The following RERE variants were observed in gnomAD, a reference collection of about 807,000 sequenced individuals.
The protein encoded by RERE is arginine-glutamic acid dipeptide repeats protein.
Under a neutral mutation model 146.1 loss-of-function variants are expected in RERE, and 40 were observed. That is an observed-to-expected ratio of 0.27 (90% CI 0.21 to 0.36). RERE has a LOEUF of 0.36. Among genes scored for constraint, RERE ranks in the 10% least tolerant of loss-of-function variants. RERE has a pLI of 1.00. For missense variants in RERE, 1,933 were observed against 2,138.7 expected (o/e 0.90, Z 1.90); for synonymous variants, 1,003 against 866.0 (o/e 1.16, Z -2.78).
At chr1:8,728,950 G>A (rs1028432615) in intron 1 of RERE, among the ~76,000 whole-genome samples, 4 of 152,196 alleles carry the variant, frequency 2.6e-5, no homozygotes, top group South Asian at 2.1e-4. Flanking sequence ...GTGATCATCC[G>A]AGGTCGGGAG....
At chr1:8,516,066 A>G (rs760202884) in intron 7 of RERE, among the ~76,000 whole-genome samples, 1 of 151,578 alleles carries the variant, frequency 6.6e-6, no homozygotes. Context: ...ATACAAAATT[A>G]GCCAAGCGTG....
At chr1:8,808,744 G>A (rs1641736173) in intron 1 of RERE, among the ~76,000 whole-genome samples, 1 of 152,074 alleles carries the variant, frequency 6.6e-6, no homozygotes, top group Non-Finnish European at 1.5e-5. Context: ...GAAACTTAGG[G>A]CCAAAAAGAT....
intron 4 of RERE, among the ~76,000 whole-genome samples, chr1:8,581,454 CT>C (rs1557696268): frequency 6.6e-6 from 1 of 152,280 alleles, no homozygotes; most frequent in East Asian, 1.9e-4. Context: ...ATAACAATGT[CT>C]TTTGATGAAT....
chr1:8,592,291 C>T (rs1646504333), intron 4 of RERE, among the ~76,000 whole-genome samples: 1 of 151,904 alleles, frequency 6.6e-6, no homozygotes, highest in South Asian at 2.1e-4. Context: ...TTAAAGACAC[C>T]GTCTCTGTCT....
intron 1 of RERE, among the ~76,000 whole-genome samples, chr1:8,690,432 A>T (rs989842884): frequency 1.3e-5 from 2 of 152,232 alleles, no homozygotes; most frequent in Non-Finnish European, 2.9e-5. Context: ...AGGAATTTTG[A>T]GGCAATACAA....
intron 1 of RERE, among the ~76,000 whole-genome samples, chr1:8,708,904 A>AGTTTT (rs1639609858): frequency 6.7e-5 from 7 of 104,014 alleles, no homozygotes; most frequent in African/African-American, 2.3e-4. Context: ...AAAACTCTGG[A>AGTTTT]GTTTTTTTTT....
intron 2 of RERE, among the ~76,000 whole-genome samples, chr1:8,634,402 C>T (rs898683031): frequency 6.6e-6 from 1 of 152,186 alleles, no homozygotes; most frequent in Non-Finnish European, 1.5e-5. Flanking sequence ...TATAAAACAT[C>T]TTCTACAAAG....
chr1:8,529,453 C>A (rs1010008402), intron 7 of RERE, among the ~76,000 whole-genome samples: 1 of 117,914 alleles, frequency 8.5e-6, no homozygotes, highest in Non-Finnish European at 1.7e-5. Context: ...CTACACCCAA[C>A]TAAATTTTTT....
At chr1:8,515,226 G>A (rs369936304) in intron 7 of RERE, among the ~76,000 whole-genome samples, 21 of 152,132 alleles carry the variant, frequency 1.4e-4, no homozygotes, top group African/African-American at 5.1e-4. Flanking sequence ...GCTGGTCACG[G>A]TGGCACGCAC....
At chr1:8,466,593 TTTC>T (rs2124129324) in intron 10 of RERE, among the ~76,000 whole-genome samples, 1 of 152,304 alleles carries the variant, frequency 6.6e-6, no homozygotes, top group South Asian at 2.1e-4. Context: ...CTTTTTAGCA[TTTC>T]TTAAGTTTTT....
chr1:8,538,584 T>C (rs1261398828), intron 7 of RERE, among the ~76,000 whole-genome samples: 1 of 152,208 alleles, frequency 6.6e-6, no homozygotes, highest in Non-Finnish European at 1.5e-5. Flanking sequence ...GTAGGCTGCA[T>C]TAGCTCCACT....
chr1:8,813,229 T>C (rs1641846297), intron 1 of RERE, among the ~76,000 whole-genome samples: 2 of 152,230 alleles, frequency 1.3e-5, no homozygotes, highest in Non-Finnish European at 2.9e-5. Context: ...TGTGTATGTG[T>C]GTGTAACGAA....
chr1:8,501,175 G>A (rs1258284416), intron 8 of RERE, among the ~76,000 whole-genome samples: 931 of 148,540 alleles, frequency 6.3e-3, no homozygotes, highest in African/African-American at 0.022. Context: ...TCAGCCCCCT[G>A]CCCGGCCAGC....
chr1:8,757,610 G>C (rs887310910), intron 1 of RERE, among the ~76,000 whole-genome samples: 1 of 145,452 alleles, frequency 6.9e-6, no homozygotes, highest in East Asian at 2.0e-4. Context: ...TCCCACAGCT[G>C]ATAGAACATT....
chr1:8,626,405 T>C (rs1037138300), intron 2 of RERE, among the ~76,000 whole-genome samples: 4 of 152,176 alleles, frequency 2.6e-5, no homozygotes, highest in Non-Finnish European at 4.4e-5. Context: ...AACACCATCA[T>C]AGCCTAGCTA....
At chr1:8,673,245 G>A (rs577813658) in intron 1 of RERE, among the ~76,000 whole-genome samples, 3 of 152,162 alleles carry the variant, frequency 2.0e-5, no homozygotes, top group Non-Finnish European at 2.9e-5. Context: ...ACAGGTGCCC[G>A]CCACCACACC....
chr1:8,418,668 G>A (rs1372990749), intron 12 of RERE, among the ~76,000 whole-genome samples: 1 of 152,202 alleles, frequency 6.6e-6, no homozygotes, highest in Non-Finnish European at 1.5e-5. Flanking sequence ...TGTCACCACT[G>A]CTTGAATAAT....
At chr1:8,683,962 T>G (rs796127952) in intron 1 of RERE, among the ~76,000 whole-genome samples, 2 of 151,984 alleles carry the variant, frequency 1.3e-5, no homozygotes, top group African/African-American at 2.4e-5. Flanking sequence ...AATCAATCAA[T>G]CAAGCACAGC....
chr1:8,421,520 A>G (rs1557623762), intron 12 of RERE, among the ~76,000 whole-genome samples: 1 of 152,190 alleles, frequency 6.6e-6, no homozygotes, highest in Non-Finnish European at 1.5e-5. Flanking sequence ...GAGATGCGTA[A>G]TACTTAAATT....
Sources: gnomAD v4.1 joint callset for allele counts (sites outside exome capture counted in the v4.1 genomes callset) on GRCh38, gnomAD v4.1.1 for gene constraint, MANE v1.5 for transcripts, NCBI Gene and HGNC (gene_info 2026-07-23, HGNC 2026-07-21) for gene names.